SPAST: variants seen among roughly 807,000 people sequenced by gnomAD.
SPAST encodes spastin.
Under a neutral mutation model 76.6 loss-of-function variants are expected in SPAST, and 30 were observed. The ratio of observed to expected loss-of-function variants is 0.39; its 90% CI spans 0.29 to 0.53. The LOEUF is 0.53. Among genes scored for constraint, SPAST ranks in the 20% least tolerant of loss-of-function variants. The pLI is 0.68. For synonymous variants in SPAST, 305 were observed against 281.0 expected (o/e 1.09, Z -0.86); for missense variants, 717 against 770.5 (o/e 0.93, Z 0.82).
intron 1 of SPAST, among the ~76,000 whole-genome samples, chr2:32,073,511 A>G (rs566345839): frequency 1.3e-5 from 2 of 152,098 alleles, no homozygotes; most frequent in African/African-American, 2.4e-5. Context: ...TTAAAGCAAG[A>G]TAGAGACAGG....
chr2:32,137,248 C>G, intron 12 of SPAST, 60 bp downstream of exon 12: 8 of 1,216,236 alleles, frequency 6.6e-6, no homozygotes, highest in Non-Finnish European at 8.6e-6. Context: ...CTCATGTGTC[C>G]ATCTTACATA....
intron 9 of SPAST, among the ~76,000 whole-genome samples, chr2:32,131,851 G>A (rs1237183904): frequency 2.6e-5 from 4 of 151,474 alleles, no homozygotes; most frequent in Middle Eastern, 3.2e-3. Context: ...TAGTAGAGAC[G>A]GGGTTTCACC....
intron 4 of SPAST, 122 bp downstream of exon 4, chr2:32,099,013 G>T: frequency 1.4e-6 from 1 of 738,444 alleles, no homozygotes; most frequent in Non-Finnish European, 2.4e-6. Flanking sequence ...TTTTCACAGG[G>T]CTGTGTTGAA....
intron 3 of SPAST, among the ~76,000 whole-genome samples, chr2:32,095,695 C>T (rs1236732949): frequency 6.6e-6 from 1 of 151,940 alleles, no homozygotes; most frequent in Non-Finnish European, 1.5e-5. Context: ...GCCATGAGTA[C>T]ACCACTGCAC....
intron 3 of SPAST, 117 bp from the exon 4 acceptor site, chr2:32,098,679 A>G (rs1678008203): frequency 3.0e-6 from 2 of 656,018 alleles, no homozygotes; most frequent in East Asian, 5.7e-5. Context: ...ACTTTTTATC[A>G]TGTAACAATC....
chr2:32,124,773 A>G (rs1483080463), intron 7 of SPAST, among the ~76,000 whole-genome samples: 1 of 152,228 alleles, frequency 6.6e-6, no homozygotes, highest in Non-Finnish European at 1.5e-5. Flanking sequence ...CATATTGCTA[A>G]ATGAAAGAAG....
At position 32,116,490 on chromosome 2, in the gene SPAST, C is replaced by T. The variant is rs963388309; in HGVS notation, c.1098+278C>T. Among the ~76,000 whole-genome samples the T allele has an allele frequency of 2.0e-5, 3 of 152,236 alleles. 1 individual carries two copies. The South Asian group carries it at 6.2e-4, about 32-fold the overall frequency. On this transcript the variant is annotated intron_variant, in intron 7 of 16. Transcript: ENST00000315285. ...TTTTGTTTTGTTTTGGAGACGGAGT[C>T]TCACTCATTGTGTCGCCCAGGCTGG...
At chr2:32,080,607 A>C (rs1177408511) in intron 1 of SPAST, among the ~76,000 whole-genome samples, 3 of 151,960 alleles carry the variant, frequency 2.0e-5, no homozygotes, top group African/African-American at 7.3e-5. Context: ...AGCTAATGTT[A>C]AAGGATTTTG....
chr2:32,083,770 ATATATAT>A (rs1677356682), intron 1 of SPAST, among the ~76,000 whole-genome samples: 16 of 48,014 alleles, frequency 3.3e-4, no homozygotes, highest in African/African-American at 4.5e-4. Flanking sequence ...ATATATATAT[ATATATAT>A]TTTTTTTTTT....
intron 9 of SPAST, 145 bp downstream of exon 9, chr2:32,128,624 C>A: frequency 1.5e-6 from 1 of 669,900 alleles, no homozygotes; most frequent in Admixed American, 2.3e-5. Flanking sequence ...GAATATCTAT[C>A]TTCAGAGTAG....
chr2:32,098,417 G>A (rs1219594013), intron 3 of SPAST, among the ~76,000 whole-genome samples: 1 of 152,166 alleles, frequency 6.6e-6, no homozygotes, highest in African/African-American at 2.4e-5. Context: ...AGCCATGATG[G>A]TGCCACTGTA....
chr2:32,080,783 CTTTTTTTT>C (rs1162817708), intron 1 of SPAST, among the ~76,000 whole-genome samples: 4 of 48,446 alleles, frequency 8.3e-5, no homozygotes, highest in South Asian at 1.8e-3. Flanking sequence ...TGGCTCAGTT[CTTTTTTTT>C]TTTTTTTTTT....
intron 3 of SPAST, among the ~76,000 whole-genome samples, chr2:32,096,848 T>C (rs1281369182): frequency 6.6e-6 from 1 of 151,806 alleles, no homozygotes; most frequent in Admixed American, 6.6e-5. Flanking sequence ...GAGTTTATCA[T>C]TGAGAAAAAT....
In SPAST at chr2:32,112,164, G is replaced by A. The variant is rs955620944; in HGVS notation, c.683-2474G>A. 2.6e-5 allele frequency among the ~76,000 whole-genome samples: 4 copies of A among 151,352 alleles called. No individual in the cohort carries two copies. In the East Asian group the frequency reaches 7.8e-4, roughly 30 times the overall value. ...GATGGGGTTTCACCATGTTGGCCAG[G>A]CTGATCTTAAACTCCTGACCTCAGA... is the stretch of plus-strand genomic sequence containing the variant. On this transcript the variant is annotated intron_variant, in intron 4 of 16. Coordinates refer to ENST00000315285, the MANE Select transcript of SPAST (RefSeq NM_014946.4).
chr2:32,087,647 C>A, intron 2 of SPAST, 69 bp downstream of exon 2: 79 of 516,008 alleles, frequency 1.5e-4, no homozygotes, highest in Non-Finnish European at 2.3e-4. Context: ...GATTTCAGAT[C>A]TATTTATTTA....
At chr2:32,079,504 T>A (rs1182272318) in intron 1 of SPAST, among the ~76,000 whole-genome samples, 2 of 144,790 alleles carry the variant, frequency 1.4e-5, no homozygotes, top group African/African-American at 5.1e-5. Flanking sequence ...AGACCCAGTC[T>A]AAAAAAAAAA....
intron 1 of SPAST, among the ~76,000 whole-genome samples, chr2:32,079,244 C>T (rs895240057): frequency 3.9e-5 from 6 of 151,936 alleles, no homozygotes; most frequent in African/African-American, 9.7e-5. Context: ...AGGCTGGGTG[C>T]GGTGGCTCAC....
intron 8 of SPAST, chr2:32,127,466 A>G (rs116512757): frequency 1.7e-4 from 31 of 180,386 alleles, no homozygotes; most frequent in Non-Finnish European, 3.0e-4. Context: ...AAGTAGATGG[A>G]AAACCATGTA....
chr2:32,153,567 T>G (rs945613199), intron 16 of SPAST, among the ~76,000 whole-genome samples: 4 of 151,734 alleles, frequency 2.6e-5, no homozygotes, highest in African/African-American at 9.7e-5. Flanking sequence ...CCACCCGCCT[T>G]GGCCTCCCAA....
Sources: gnomAD v4.1 joint callset for allele counts (sites outside exome capture counted in the v4.1 genomes callset) on GRCh38, gnomAD v4.1.1 for gene constraint, MANE v1.5 for transcripts, NCBI Gene and HGNC (gene_info 2026-07-23, HGNC 2026-07-21) for gene names.